Variants in LRTM2 observed in about 807,000 individuals in gnomAD.
LRTM2 encodes the protein leucine-rich repeat and transmembrane domain-containing protein 2.
Under a neutral mutation model 28.1 loss-of-function variants are expected in LRTM2, and 18 were observed. That is an observed-to-expected ratio of 0.64 (90% CI 0.44 to 0.95). The LOEUF is 0.95. Among genes scored for constraint, LRTM2 ranks in the 40% least tolerant of loss-of-function variants. LRTM2 has a pLI of 0.00. For missense variants in LRTM2, 436 were observed against 497.2 expected, an observed-to-expected ratio of 0.88 and a Z score of 1.17; for synonymous variants, 250 against 218.7, an observed-to-expected ratio of 1.14 and a Z score of -1.26.
chr12:1,827,984 A>G (rs908843110), intron 2 of LRTM2, 92 bp from the exon 3 acceptor site: 4 of 480,272 alleles, frequency 8.3e-6, no homozygotes, highest in South Asian at 8.0e-5. Context: ...GGGCATGAGG[A>G]GTGTAAAGAG....
rs1426643566 is a variant in LRTM2, at chr12:1,833,162, A to G, written c.659-1105A>G. Among the ~76,000 whole-genome samples the G allele has an allele frequency of 6.6e-6, 1 of 152,204 alleles. No individual in the cohort carries two copies. Among genetic ancestry groups the G allele is most frequent in the African/African-American group, 2.4e-5 (1 of 41,442 alleles). ...TTGCTTTCAACATTGCATTTCTTAA[A>G]AACAAAATCCTGGAATATTTCCATC... On this transcript the variant is annotated intron_variant, in intron 4 of 4. Transcript: ENST00000299194. The surrounding 1 kb of genome is among the most constrained non-coding windows in gnomAD (Gnocchi z 4.2).
At chr12:1,827,977 C>T (rs1486344513) in intron 2 of LRTM2, 99 bp from the exon 3 acceptor site, 8 of 474,652 alleles carry the variant, frequency 1.7e-5, no homozygotes, top group Non-Finnish European at 2.6e-5. Context: ...CAGGAGAGGG[C>T]ATGAGGAGTG....
Position 1,827,940 on chromosome 12 carries a change from C to A in LRTM2, c.-73-136C>A, listed in dbSNP as rs1592685166. On this transcript the variant is annotated intron_variant, in intron 2 of 4. Transcript: ENST00000299194. The stretch of plus-strand genomic sequence containing the variant: ...GGCTTCCTGGCTCCTCTTCTTCCCC[C>A]ACCCAGGGAATCATAACTGAGAGGA... The A allele has an allele frequency of 1.2e-5, 5 of 416,994 alleles. No individual in the cohort carries two copies. The Admixed American group carries it at 1.7e-4, about 15-fold the overall frequency. The allele number at this position is 416,994 out of a possible 1,614,324, so 25.8% of individuals were successfully genotyped here.
chr12:1,830,034 G>T (rs931878385), intron 3 of LRTM2, among the ~76,000 whole-genome samples: 1 of 152,326 alleles, frequency 6.6e-6, no homozygotes, highest in East Asian at 1.9e-4. Flanking sequence ...CCCCATGCTC[G>T]CTACGCAGAA....
chr12:1,821,877 G>A (rs542143363), intron 1 of LRTM2, among the ~76,000 whole-genome samples: 92 of 152,172 alleles, frequency 6.0e-4, no homozygotes, highest in African/African-American at 2.1e-3. Context: ...GTTGGCACCC[G>A]GCTGTCAGGG....
rs923385537 is a variant in LRTM2, at chr12:1,829,563, A to T, written c.67+1348A>T. Among the ~76,000 whole-genome samples the T allele has an allele frequency of 6.6e-6, 1 of 152,080 alleles. No homozygotes were observed. The highest frequency in any genetic ancestry group is 1.5e-5 in the Non-Finnish European group (1 of 68,002). The stretch of plus-strand genomic sequence containing the variant: ...AGCCACGTGTCAGCTCTCAGCTGTC[A>T]TCGATCCTCCAGGCAGGGAAGGGGA... On this transcript the variant is annotated intron_variant, in intron 3 of 4. Transcript: ENST00000299194. This position sits in a 1 kb window ranked among gnomAD's most constrained non-coding sequence, Gnocchi z 4.2.
In LRTM2 at chr12:1,834,499, G is replaced by A; in HGVS notation, c.891G>A (p.Gln297=). The change falls in exon 5 of 5, where the codon CAG becomes CAA. Residue 297 remains glutamine, a synonymous_variant. Coordinates refer to ENST00000299194, the MANE Select transcript of LRTM2 (RefSeq NM_001039029.3). The surrounding 1 kb of genome is among the most constrained non-coding windows in gnomAD (Gnocchi z 7.6). ...CCAGCACAGCCTGCCCACAGAAGCA[G>A]AGGCACCGGCCGGCGAGCGTGAGGC... ...PEPSTACPQK[Q]RHRPASVRRA... is the part of the protein sequence containing the mutation. 6.2e-7 allele frequency: 1 copy of A among 1,608,512 alleles called. No individual in the cohort carries two copies. Among genetic ancestry groups the A allele is most frequent in the Non-Finnish European group, 8.5e-7 (1 of 1,179,862 alleles).
Position 1,829,468 on chromosome 12 carries a change from A to G in LRTM2, c.67+1253A>G, listed in dbSNP as rs111780364. Among the ~76,000 whole-genome samples, 1,100 of 152,094 alleles carry G rather than the reference A, an allele frequency of 7.2e-3. 16 individuals carry two copies. The highest frequency in any genetic ancestry group is 0.025 in the African/African-American group (1,024 of 41,492). ...GGTCTCCGGTGGCTTCCATGGCTGT[A>G]CCTGTGCTCACTTCTCGCCAAGAAC... On this transcript the variant is annotated intron_variant, in intron 3 of 4. Transcript: ENST00000299194. This position sits in a 1 kb window ranked among gnomAD's most constrained non-coding sequence, Gnocchi z 4.2.
rs954715677 is a variant in LRTM2 at position 1,833,106 on chromosome 12, G to C, written c.659-1161G>C. On this transcript the variant is annotated intron_variant, in intron 4 of 4. Coordinates refer to ENST00000299194, the MANE Select transcript of LRTM2 (RefSeq NM_001039029.3). The surrounding 1 kb of genome is among the most constrained non-coding windows in gnomAD (Gnocchi z 4.2). ...GCACAAAAATGCATGCCATGAGAAT[G>C]TGCAGTTTTCAGACTTTTTCAATAG... Among the ~76,000 whole-genome samples, 3 of 152,232 alleles carry C rather than the reference G, an allele frequency of 2.0e-5. No individual in the cohort carries two copies. The highest frequency in any genetic ancestry group is 4.4e-5 in the Non-Finnish European group (3 of 68,042).
intron 1 of LRTM2, among the ~76,000 whole-genome samples, chr12:1,821,061 A>G (rs925186827): frequency 6.6e-5 from 10 of 152,126 alleles, no homozygotes. Flanking sequence ...TCTGCTGGGA[A>G]GTGGGGAGGA....
chr12:1,830,865 G>C (rs1316067362), intron 3 of LRTM2, 70 bp from the exon 4 acceptor site: 3 of 1,291,388 alleles, frequency 2.3e-6, no homozygotes, highest in Non-Finnish European at 3.2e-6. Flanking sequence ...AGCTAGAAAG[G>C]AGGGAAGAGA....
rs11061995 is a variant in LRTM2, at chr12:1,835,876, G to A, written c.*1155G>A. The stretch of plus-strand genomic sequence containing the variant: ...CTGGCACCGTGACTCTGTGCCTCTC[G>A]CCCTCCATCTTCAGTACTCCTGGCC... On this transcript the variant is annotated 3_prime_UTR_variant, in exon 5 of 5. Transcript: ENST00000299194. 0.13 allele frequency: 20,389 copies of A among 152,502 alleles called. 1,637 individuals are homozygous for A. The highest frequency in any genetic ancestry group is 0.17 in the Non-Finnish European group (11,853 of 68,164). 9.4% of individuals were successfully genotyped at this position (152,502 alleles called of 1,614,324 possible).
At position 1,833,901 on chromosome 12, in the gene LRTM2, C is replaced by T. The variant is rs147332406; in HGVS notation, c.659-366C>T. Among the ~76,000 whole-genome samples, 28 of 152,274 alleles carry T rather than the reference C, an allele frequency of 1.8e-4. No individual in the cohort carries two copies. Among genetic ancestry groups the T allele is most frequent in the African/African-American group, 6.5e-4 (27 of 41,542 alleles). ...GGGACGCTCAGCTCTCTAATGACAG[C>T]CCTTTCCTGGGAACCTCCCCATGTT... On this transcript the variant is annotated intron_variant, in intron 4 of 4. Coordinates refer to ENST00000299194, the MANE Select transcript of LRTM2 (RefSeq NM_001039029.3). This position sits in a 1 kb window ranked among gnomAD's most constrained non-coding sequence, Gnocchi z 4.2.
chr12:1,827,996 C>T (rs1864425321), intron 2 of LRTM2, 80 bp from the exon 3 acceptor site: 2 of 538,252 alleles, frequency 3.7e-6, no homozygotes, highest in East Asian at 3.3e-5. Context: ...TGTAAAGAGA[C>T]ACCCGGGCCC....
Position 1,834,812 on chromosome 12 carries a change from C to G in LRTM2, c.*91C>G. On this transcript the variant is annotated 3_prime_UTR_variant, in exon 5 of 5. Transcript: ENST00000299194. This position sits in a 1 kb window ranked among gnomAD's most constrained non-coding sequence, Gnocchi z 7.6. ...TCCCACCTTGACCCGGCGCTGGCCA[C>G]TGCCTCCCCGAGTCCACCCTCCTCC... 1 of 1,456,274 alleles carries G rather than the reference C, an allele frequency of 6.9e-7. No homozygotes were observed. The highest frequency in any genetic ancestry group is 9.0e-7 in the Non-Finnish European group (1 of 1,107,642). 90.2% of individuals were successfully genotyped at this position (1,456,274 alleles called of 1,614,324 possible). A position where few individuals can be genotyped will look rare whatever the true frequency, so the allele number is the denominator to read the frequency against.
intron 2 of LRTM2, 90 bp from the exon 3 acceptor site, chr12:1,827,986 T>C (rs1864423859): frequency 1.0e-5 from 5 of 500,424 alleles, no homozygotes; most frequent in Admixed American, 7.7e-5. Flanking sequence ...GCATGAGGAG[T>C]GTAAAGAGAC....
At position 1,827,427 on chromosome 12, in the gene LRTM2, CCT is replaced by C. The variant is rs147095509; in HGVS notation, c.-240_-239del. 11,587 of 152,960 alleles carry C rather than the reference CCT, an allele frequency of 0.076. 628 individuals are homozygous for C. The highest frequency in any genetic ancestry group is 0.11 in the Non-Finnish European group (7,463 of 68,202). 9.5% of individuals were successfully genotyped at this position (152,960 alleles called of 1,614,324 possible). A position where few individuals can be genotyped will look rare whatever the true frequency, so the allele number is the denominator to read the frequency against. On this transcript the variant is annotated 5_prime_UTR_variant, in exon 2 of 5. It removes the in-frame stop codon of an upstream open reading frame in the 5' UTR. Transcript: ENST00000299194. ...CCTAGCAGCTGCCGCAGCATGAACC[CCT>C]GAGCTGATGAGTCTTATTATAGCCC...
chr12:1,834,673 C>A lies in LRTM2; in HGVS notation c.1065C>A (p.Asp355Glu). ...AAAAGCGCCAGCCCCTGATGGGGGACCCCGAGGGCGAGCACGAGGACCAGA... is the reference window on the plus strand; with the variant it reads ...AAAAGCGCCAGCCCCTGATGGGGGAACCCGAGGGCGAGCACGAGGACCAGA... ...ELKKRQPLMG[D>E]PEGEHEDQKQ... The change falls in exon 5 of 5, where the codon GAC becomes GAA. Residue 355 changes from aspartate to glutamate, a missense_variant. Asp to Glu is a conservative substitution (Grantham distance 45, BLOSUM62 2). Coordinates refer to ENST00000299194, the MANE Select transcript of LRTM2 (RefSeq NM_001039029.3). The surrounding 1 kb of genome is among the most constrained non-coding windows in gnomAD (Gnocchi z 7.6). 1.2e-6 allele frequency: 2 copies of A among 1,601,768 alleles called. No individual in the cohort carries two copies. Among genetic ancestry groups the A allele is most frequent in the South Asian group, 1.1e-5 (1 of 91,060 alleles).
intron 1 of LRTM2, among the ~76,000 whole-genome samples, chr12:1,823,543 G>A (rs147420877): frequency 3.3e-3 from 501 of 152,146 alleles, no homozygotes; most frequent in Middle Eastern, 0.01. Context: ...TCCTACTGGG[G>A]CCTCCTGCTC....
Sources: gnomAD v4.1 joint callset for allele counts (sites outside exome capture counted in the v4.1 genomes callset) on GRCh38, gnomAD v4.1.1 for gene constraint, Gnocchi (gnomAD v3.1) non-coding constraint, MANE v1.5 for transcripts, NCBI Gene and HGNC (gene_info 2026-07-23, HGNC 2026-07-21) for gene names.